The following NELL1 variants were observed in gnomAD, a reference collection of about 807,000 sequenced individuals.
The protein encoded by NELL1 is protein kinase C-binding protein NELL1.
A neutral mutation model predicts 107.4 loss-of-function variants in NELL1; 76 were observed. The observed-to-expected ratio is 0.71, with a 90% confidence interval of 0.59 to 0.86. The LOEUF (loss-of-function observed/expected upper bound fraction) is 0.86. NELL1 is among the 40% of genes least tolerant of loss of function. The pLI, the probability that NELL1 is intolerant of heterozygous loss-of-function variation, is 0.00. For synonymous variants in NELL1, 353 were observed against 341.2 expected (o/e 1.03, Z -0.38); for missense variants, 1,024 against 1,005.5 (o/e 1.02, Z -0.25).
intron 12 of NELL1, among the ~76,000 whole-genome samples, chr11:21,107,993 A>G (rs542690752): frequency 6.6e-6 from 1 of 152,212 alleles, no homozygotes; most frequent in Admixed American, 6.5e-5. Context: ...AATTTTAGGC[A>G]CTCTACACGT....
intron 13 of NELL1, among the ~76,000 whole-genome samples, chr11:21,142,970 C>A (rs1304286354): frequency 2.0e-5 from 3 of 152,132 alleles, no homozygotes; most frequent in African/African-American, 7.2e-5. Context: ...CCTTCTATGT[C>A]CCAACTTATA....
chr11:21,485,321 G>C (rs1439146745), intron 15 of NELL1, among the ~76,000 whole-genome samples: 1 of 152,082 alleles, frequency 6.6e-6, no homozygotes, highest in Non-Finnish European at 1.5e-5. Context: ...CCACTGCTGT[G>C]AGCTGTTGTG....
At chr11:21,534,289 C>A (rs752715622) in intron 15 of NELL1, 85 bp from the exon 16 acceptor site, 12 of 1,481,286 alleles carry the variant, frequency 8.1e-6, no homozygotes, top group African/African-American at 1.4e-5. Flanking sequence ...GATATGTTGA[C>A]ATGAGCATGT....
intron 12 of NELL1, among the ~76,000 whole-genome samples, chr11:21,105,803 CTTCCCTCCT>C (rs1854943039): frequency 1.3e-5 from 1 of 78,750 alleles, no homozygotes; most frequent in Non-Finnish European, 2.5e-5. Flanking sequence ...CAACCTTCCC[CTTCCCTCCT>C]CTCCCCTTCC....
At chr11:21,296,082 T>C (rs550220201) in intron 14 of NELL1, among the ~76,000 whole-genome samples, 1 of 152,152 alleles carries the variant, frequency 6.6e-6, no homozygotes, top group East Asian at 1.9e-4. Context: ...AGAGAAAATA[T>C]TGTATATGTC....
At chr11:21,457,127 G>A (rs541245994) in intron 15 of NELL1, among the ~76,000 whole-genome samples, 1 of 152,238 alleles carries the variant, frequency 6.6e-6, no homozygotes, top group African/African-American at 2.4e-5. Context: ...TGAATTTCAA[G>A]CACAGCAGAA....
At chr11:21,307,251 A>G (rs1326926414) in intron 14 of NELL1, among the ~76,000 whole-genome samples, 2 of 151,948 alleles carry the variant, frequency 1.3e-5, no homozygotes, top group Non-Finnish European at 2.9e-5. Context: ...TGCAGCTGTA[A>G]TAAGATTATA....
At chr11:21,004,133 G>C (rs116747245) in intron 12 of NELL1, among the ~76,000 whole-genome samples, 3,041 of 152,124 alleles carry the variant, frequency 0.02, 121 homozygotes, top group African/African-American at 0.07. Context: ...AGTACTTGTG[G>C]TACTAAGGTT....
chr11:21,217,550 T>G (rs1323609310), intron 13 of NELL1, among the ~76,000 whole-genome samples: 1 of 152,128 alleles, frequency 6.6e-6, no homozygotes, highest in East Asian at 1.9e-4. Context: ...AGAAAGACTG[T>G]AGGAGATGGA....
intron 16 of NELL1, among the ~76,000 whole-genome samples, chr11:21,535,238 A>C (rs1341853752): frequency 6.6e-6 from 1 of 152,114 alleles, no homozygotes; most frequent in Non-Finnish European, 1.5e-5. Context: ...CTGATCAAAA[A>C]CATAACTGTT....
intron 12 of NELL1, among the ~76,000 whole-genome samples, chr11:21,098,042 C>T (rs967680447): frequency 1.3e-5 from 2 of 151,756 alleles, no homozygotes. Flanking sequence ...CCCCATTGTC[C>T]TCAGGATGAA....
At chr11:20,676,672 G>A (rs1854066895) in intron 1 of NELL1, among the ~76,000 whole-genome samples, 1 of 152,216 alleles carries the variant, frequency 6.6e-6, no homozygotes. Context: ...AGTAAGGAAA[G>A]AGTAGATTTC....
At chr11:21,246,332 C>T (rs190758788) in intron 14 of NELL1, among the ~76,000 whole-genome samples, 1 of 152,092 alleles carries the variant, frequency 6.6e-6, no homozygotes, top group African/African-American at 2.4e-5. Context: ...TTATGTAACA[C>T]TGAAATTGTC....
intron 16 of NELL1, among the ~76,000 whole-genome samples, chr11:21,537,846 G>C (rs1250911467): frequency 1.4e-5 from 2 of 145,798 alleles, no homozygotes; most frequent in African/African-American, 5.1e-5. Context: ...CATGACATGA[G>C]ATGTTAAATA....
intron 14 of NELL1, among the ~76,000 whole-genome samples, chr11:21,346,959 G>A (rs1384623959): frequency 2.6e-5 from 4 of 152,120 alleles, no homozygotes; most frequent in Admixed American, 2.0e-4. Flanking sequence ...AGCTAGTTTA[G>A]GAGATTATAT....
chr11:21,394,785 A>G (rs1851947170), intron 15 of NELL1, among the ~76,000 whole-genome samples: 1 of 151,546 alleles, frequency 6.6e-6, no homozygotes, highest in African/African-American at 2.4e-5. Context: ...AAATATTAAC[A>G]TCTTCAAGAG....
At chr11:20,935,025 G>T (rs1485866937) in intron 9 of NELL1, among the ~76,000 whole-genome samples, 1 of 152,136 alleles carries the variant, frequency 6.6e-6, no homozygotes, top group African/African-American at 2.4e-5. Flanking sequence ...TGTGGATCAA[G>T]AAATTTGACT....
intron 12 of NELL1, among the ~76,000 whole-genome samples, chr11:20,979,427 T>A (rs902327100): frequency 1.3e-5 from 2 of 152,182 alleles, no homozygotes; most frequent in Non-Finnish European, 1.5e-5. Flanking sequence ...CTACTGGGCC[T>A]ACCCCCATGT....
intron 15 of NELL1, among the ~76,000 whole-genome samples, chr11:21,466,580 T>TA (rs111482866): frequency 4.6e-5 from 7 of 152,270 alleles, no homozygotes; most frequent in African/African-American, 1.7e-4. Flanking sequence ...AAACTTTTTT[T>TA]AAAAAATAGC....
Sources: allele counts gnomAD v4.1 joint callset (sites outside exome capture counted in the v4.1 genomes callset), GRCh38; gene constraint gnomAD v4.1.1; transcripts MANE v1.5; gene names NCBI Gene and HGNC (gene_info 2026-07-23, HGNC 2026-07-21).